Variants in TFAP2D observed in about 807,000 individuals in gnomAD.
The protein encoded by TFAP2D is transcription factor AP-2-delta.
TFAP2D carries 9 observed loss-of-function variants against 43.6 expected under a neutral mutation model. The ratio of observed to expected loss-of-function variants is 0.21; its 90% CI spans 0.12 to 0.36. The LOEUF (loss-of-function observed/expected upper bound fraction) is 0.36. Ranked by LOEUF, TFAP2D falls within the 10% of genes least tolerant of loss-of-function variation. The pLI is 1.00. For missense variants in TFAP2D, 513 were observed against 561.4 expected (o/e 0.91, Z 0.87); for synonymous variants, 256 against 224.9 (o/e 1.14, Z -1.24).
intron 3 of TFAP2D, among the ~76,000 whole-genome samples, chr6:50,721,943 G>C (rs551905832): frequency 6.6e-6 from 1 of 152,282 alleles, no homozygotes; most frequent in Non-Finnish European, 1.5e-5. Flanking sequence ...AGTTAATCAG[G>C]GACATTGTCC....
chr6:50,731,362 T>A (rs953178929), intron 5 of TFAP2D, among the ~76,000 whole-genome samples: 1 of 152,020 alleles, frequency 6.6e-6, no homozygotes, highest in African/African-American at 2.4e-5. Context: ...GGCACATTGA[T>A]GAAACCTTAG....
chr6:50,754,708 G>T (rs1769241632), intron 7 of TFAP2D, among the ~76,000 whole-genome samples: 1 of 151,834 alleles, frequency 6.6e-6, no homozygotes, highest in Non-Finnish European at 1.5e-5. Flanking sequence ...TTGTTGATTT[G>T]CACTTCTCTA....
intron 5 of TFAP2D, among the ~76,000 whole-genome samples, chr6:50,732,508 T>G (rs1768908284): frequency 6.6e-6 from 1 of 152,084 alleles, no homozygotes; most frequent in South Asian, 2.1e-4. Context: ...ATTGATTGTA[T>G]TCCTCACAGA....
At chr6:50,717,201 A>T (rs939608679) in intron 2 of TFAP2D, among the ~76,000 whole-genome samples, 1 of 152,170 alleles carries the variant, frequency 6.6e-6, no homozygotes, top group Non-Finnish European at 1.5e-5. Context: ...AGCATTTTTC[A>T]AAAGAGCGGA....
chr6:50,762,352 T>A (rs1423415735), intron 7 of TFAP2D, among the ~76,000 whole-genome samples: 1 of 151,910 alleles, frequency 6.6e-6, no homozygotes, highest in African/African-American at 2.4e-5. Flanking sequence ...CACACACTCT[T>A]TCTCTCTCTT....
chr6:50,714,132 C>CG (rs1314457226), intron 1 of TFAP2D, 38 bp downstream of exon 1: 98 of 1,542,342 alleles, frequency 6.4e-5, no homozygotes, highest in Non-Finnish European at 8.5e-5. Flanking sequence ...TTTGAGCGCG[C>CG]GTGTGTGTGG....
chr6:50,734,026 A>T (rs1581764596), intron 5 of TFAP2D, among the ~76,000 whole-genome samples: 1 of 151,016 alleles, frequency 6.6e-6, no homozygotes, highest in Non-Finnish European at 1.5e-5. Context: ...GTGTTTAAAC[A>T]GTGTGGGACA....
intron 5 of TFAP2D, among the ~76,000 whole-genome samples, chr6:50,730,316 A>G (rs1768868616): frequency 6.6e-6 from 1 of 152,134 alleles, no homozygotes; most frequent in African/African-American, 2.4e-5. Context: ...CTTAACAGCC[A>G]TCTTTGCTGT....
At chr6:50,761,999 C>G (rs950346700) in intron 7 of TFAP2D, among the ~76,000 whole-genome samples, 1 of 151,922 alleles carries the variant, frequency 6.6e-6, no homozygotes, top group African/African-American at 2.4e-5. Context: ...TCTGATAGGT[C>G]CTCATCATTA....
intron 6 of TFAP2D, among the ~76,000 whole-genome samples, chr6:50,748,736 A>C (rs1351201592): frequency 1.3e-5 from 2 of 151,934 alleles, no homozygotes; most frequent in Non-Finnish European, 2.9e-5. Context: ...TTTTGATTGA[A>C]TTTAGAACTA....
At chr6:50,719,474 A>AAAGAAAGAAAGAAAGAAAGAAAGAAAGG (rs1768682539) in intron 3 of TFAP2D, among the ~76,000 whole-genome samples, 2 of 136,640 alleles carry the variant, frequency 1.5e-5, no homozygotes, top group African/African-American at 5.0e-5. Flanking sequence ...AGAAAGAAAG[A>AAAGAAAGAAAGAAAGAAAGAAAGAAAGG]AAGAAAGAAA....
chr6:50,742,518 A>G (rs1010319907), intron 5 of TFAP2D, among the ~76,000 whole-genome samples: 9 of 151,726 alleles, frequency 5.9e-5, no homozygotes, highest in African/African-American at 1.7e-4. Flanking sequence ...CAGTAAAGAA[A>G]AAGGATTGGA....
exon 8 of TFAP2D, chr6:50,773,032 C>CAAAA: frequency 2.1e-6 from 1 of 469,992 alleles, no homozygotes; most frequent in South Asian, 3.8e-5. Context: ...AGGACAAAAC[C>CAAAA]AAAAAAAAAA....
Position 50,729,001 on chromosome 6 carries a change from C to T in TFAP2D, c.744C>T (p.Leu248=). ...CACCTGAGTGCCTCAATGCTTCACTCTTGGGAGGCATTTTGAGAAGGTAAG... is the reference window on the plus strand; with the variant it reads ...CACCTGAGTGCCTCAATGCTTCACTTTTGGGAGGCATTTTGAGAAGGTAAG... ...LSPPECLNAS[L]LGGILRRAKS... The change falls in exon 4 of 8, where the codon CTC becomes CTT. Residue 248 remains leucine, a synonymous_variant. Coordinates refer to ENST00000008391, the MANE Select transcript of TFAP2D (RefSeq NM_172238.4). 1.9e-6 allele frequency: 3 copies of T among 1,613,822 alleles called. No homozygotes were observed. The highest frequency in any genetic ancestry group is 2.5e-6 in the Non-Finnish European group (3 of 1,179,876).
intron 5 of TFAP2D, among the ~76,000 whole-genome samples, chr6:50,730,382 C>A (rs1768869375): frequency 6.6e-6 from 1 of 152,078 alleles, no homozygotes; most frequent in Non-Finnish European, 1.5e-5. Flanking sequence ...TGACAACTGA[C>A]ATTTACTGTG....
Position 50,768,903 on chromosome 6 carries a change from CTTTTTTTTT to C in TFAP2D, c.1140-3733_1140-3725del, listed in dbSNP as rs34182627. ...TAGAGTTCTTTGTTGAACGAAGTGG[CTTTTTTTTT>C]TTTTTTTTGAGACAAAGTCTCCCTC... On this transcript the variant is annotated intron_variant, in intron 7 of 7. Transcript: ENST00000008391. Among the ~76,000 whole-genome samples the C allele has an allele frequency of 2.2e-3, 280 of 127,872 alleles. 3 individuals are homozygous for C. The highest frequency in any genetic ancestry group is 6.5e-3 in the South Asian group (25 of 3,832). 83.9% of individuals were successfully genotyped at this position (127,872 alleles called of 152,430 possible). A position where few individuals can be genotyped will look rare whatever the true frequency, so the allele number is the denominator to read the frequency against.
intron 7 of TFAP2D, among the ~76,000 whole-genome samples, chr6:50,754,336 G>T (rs1769237196): frequency 6.6e-6 from 1 of 151,866 alleles, no homozygotes; most frequent in Non-Finnish European, 1.5e-5. Flanking sequence ...ATATTTCTGT[G>T]TGTGTGTATG....
chr6:50,740,896 T>C (rs1769034254), intron 5 of TFAP2D, among the ~76,000 whole-genome samples: 1 of 152,184 alleles, frequency 6.6e-6, no homozygotes, highest in Non-Finnish European at 1.5e-5. Flanking sequence ...AACTTTCTAT[T>C]TCAGAGCAAC....
chr6:50,728,825 C>A, intron 3 of TFAP2D, 31 bp from the exon 4 acceptor site: 2 of 1,610,244 alleles, frequency 1.2e-6, no homozygotes, highest in South Asian at 1.1e-5. Flanking sequence ...TTCACTGTCA[C>A]TAACATGTTA....
Sources: allele counts gnomAD v4.1 joint callset (sites outside exome capture counted in the v4.1 genomes callset), GRCh38; gene constraint gnomAD v4.1.1; transcripts MANE v1.5; gene names NCBI Gene and HGNC (gene_info 2026-07-23, HGNC 2026-07-21).